FHIT: variants seen among roughly 807,000 people sequenced by gnomAD.
The protein encoded by FHIT is bis(5'-adenosyl)-triphosphatase.
A neutral mutation model predicts 17.9 loss-of-function variants in FHIT; 19 were observed. The ratio of observed to expected loss-of-function variants is 1.06; its 90% CI spans 0.74 to 1.56. The LOEUF (loss-of-function observed/expected upper bound fraction) is 1.56. Among genes scored for constraint, FHIT ranks in the 40% most tolerant of loss-of-function variants. The probability of loss-of-function intolerance (pLI) is 0.00; values close to 1 mark genes in which losing one functional copy is unlikely to be tolerated. For missense variants in FHIT, 248 were observed against 189.2 expected (o/e 1.31, Z -1.82); for synonymous variants, 81 against 69.7 (o/e 1.16, Z -0.81).
At chr3:60,902,844 C>T (rs1265767686) in intron 3 of FHIT, among the ~76,000 whole-genome samples, 1 of 152,106 alleles carries the variant, frequency 6.6e-6, no homozygotes, top group African/African-American at 2.4e-5. Flanking sequence ...TTGATTATAT[C>T]CCTCATTCCT....
At chr3:60,744,267 AC>A (rs782374225) in intron 4 of FHIT, among the ~76,000 whole-genome samples, 1,123 of 42,484 alleles carry the variant, frequency 0.026, 27 homozygotes, top group Middle Eastern at 0.038. Flanking sequence ...ACAAAACAAA[AC>A]AAAAAAAAAA....
chr3:61,121,923 T>C (rs2036468713), intron 2 of FHIT, among the ~76,000 whole-genome samples: 1 of 149,234 alleles, frequency 6.7e-6, no homozygotes, highest in East Asian at 2.0e-4. Context: ...AAAGCAGGGG[T>C]TGCAATCCTA....
At chr3:60,653,895 A>C (rs1011711208) in intron 4 of FHIT, among the ~76,000 whole-genome samples, 1 of 152,168 alleles carries the variant, frequency 6.6e-6, no homozygotes, top group African/African-American at 2.4e-5. Context: ...TTCCTGCCCA[A>C]ATCTCTTCAA....
chr3:60,834,803 T>C (rs1702471445), intron 3 of FHIT, among the ~76,000 whole-genome samples: 1 of 149,884 alleles, frequency 6.7e-6, no homozygotes, highest in South Asian at 2.1e-4. Flanking sequence ...AGGCAGAAGT[T>C]GCAGTGAGCC....
At chr3:60,002,060 G>A (rs1293060897) in intron 7 of FHIT, among the ~76,000 whole-genome samples, 13 of 152,068 alleles carry the variant, frequency 8.5e-5, no homozygotes, top group Non-Finnish European at 1.8e-4. Context: ...AGAATATTTG[G>A]TGTGTTCACT....
intron 5 of FHIT, among the ~76,000 whole-genome samples, chr3:60,314,358 T>A (rs1182834223): frequency 6.6e-6 from 1 of 152,186 alleles, no homozygotes; most frequent in African/African-American, 2.4e-5. Context: ...GGCTTCAATC[T>A]GACAGTTAAC....
At chr3:60,800,150 C>A (rs1488726196) in intron 4 of FHIT, among the ~76,000 whole-genome samples, 1 of 152,118 alleles carries the variant, frequency 6.6e-6, no homozygotes, top group Non-Finnish European at 1.5e-5. Flanking sequence ...TATTTCCAAG[C>A]TGAATTTCCT....
At chr3:59,774,627 A>C (rs377571716) in intron 8 of FHIT, among the ~76,000 whole-genome samples, 9 of 152,220 alleles carry the variant, frequency 5.9e-5, no homozygotes, top group Admixed American at 2.6e-4. Context: ...CAGTTATCAC[A>C]AATTGTAATG....
intron 2 of FHIT, among the ~76,000 whole-genome samples, chr3:61,127,717 T>A (rs9831324): frequency 0.053 from 7,522 of 141,050 alleles, 617 homozygotes; most frequent in African/African-American, 0.19. Flanking sequence ...ATACAAAAAA[T>A]ATTTTTTTTT....
At position 60,423,974 on chromosome 3, in the gene FHIT, T is replaced by C. The variant is rs576759597; in HGVS notation, c.103+112886A>G. ...AGTATAACAATTTATGTTGTACTTC[T>C]TTCTGCTTTTATCCTAGATTATAAT... On this transcript the variant is annotated intron_variant, in intron 5 of 9. Transcript: ENST00000492590. Among the ~76,000 whole-genome samples, 14 of 152,326 alleles carry C rather than the reference T, an allele frequency of 9.2e-5. No individual in the cohort carries two copies. In the South Asian group the frequency reaches 2.7e-3, roughly 29 times the overall value.
At chr3:60,376,717 T>TA (rs1255246581) in intron 5 of FHIT, among the ~76,000 whole-genome samples, 2 of 152,210 alleles carry the variant, frequency 1.3e-5, no homozygotes, top group East Asian at 1.9e-4. Context: ...AGCTAATTTT[T>TA]AAAAAAATCC....
intron 5 of FHIT, among the ~76,000 whole-genome samples, chr3:60,239,521 T>C (rs71313755): frequency 0.044 from 6,622 of 152,206 alleles, 200 homozygotes; most frequent in Non-Finnish European, 0.064. Flanking sequence ...ACCATGGTCA[T>C]AGCACTGCAT....
intron 8 of FHIT, among the ~76,000 whole-genome samples, chr3:59,855,689 G>A (rs903977262): frequency 4.0e-5 from 6 of 151,408 alleles, no homozygotes; most frequent in African/African-American, 1.2e-4. Context: ...ATAAATATGA[G>A]CACAAATTGA....
At chr3:60,132,618 G>A (rs998749375) in intron 5 of FHIT, among the ~76,000 whole-genome samples, 1 of 152,104 alleles carries the variant, frequency 6.6e-6, no homozygotes. Context: ...AATGGGTGAG[G>A]ATATTCTGTG....
chr3:60,346,884 TTA>T (rs1029479320), intron 5 of FHIT, among the ~76,000 whole-genome samples: 10 of 152,334 alleles, frequency 6.6e-5, no homozygotes, highest in African/African-American at 2.4e-4. Context: ...CTTAGAAATT[TTA>T]TGTTTTAAAA....
intron 5 of FHIT, among the ~76,000 whole-genome samples, chr3:60,480,818 A>C (rs906809589): frequency 3.3e-5 from 5 of 152,178 alleles, no homozygotes; most frequent in African/African-American, 1.2e-4. Context: ...CTGCTTTCAC[A>C]GCTGTCGTTG....
chr3:59,891,275 AAGG>A (rs1320841855), intron 8 of FHIT, among the ~76,000 whole-genome samples: 5 of 152,212 alleles, frequency 3.3e-5, no homozygotes, highest in Non-Finnish European at 7.3e-5. Flanking sequence ...CTCTTCCCTC[AAGG>A]AGGCTACCAT....
At chr3:60,560,168 T>C (rs151224441) in intron 4 of FHIT, among the ~76,000 whole-genome samples, 2 of 152,094 alleles carry the variant, frequency 1.3e-5, no homozygotes. Flanking sequence ...TCTTCCCTTA[T>C]CATGGCTATC....
intron 5 of FHIT, among the ~76,000 whole-genome samples, chr3:60,082,841 T>C (rs112284210): frequency 3.3e-5 from 5 of 152,278 alleles, no homozygotes; most frequent in African/African-American, 1.2e-4. Flanking sequence ...TGTTGAATTG[T>C]TGAAGTTCCA....
Sources: allele counts gnomAD v4.1 joint callset (sites outside exome capture counted in the v4.1 genomes callset), GRCh38; gene constraint gnomAD v4.1.1; transcripts MANE v1.5; gene names NCBI Gene and HGNC (gene_info 2026-07-23, HGNC 2026-07-21).